Variants in GIP observed in about 807,000 individuals in gnomAD.
GIP encodes glucose-dependent insulinotropic polypeptide.
GIP carries 16 observed loss-of-function variants against 18.1 expected under a neutral mutation model. That is an observed-to-expected ratio of 0.88 (90% CI 0.60 to 1.34). The LOEUF is 1.34. Among genes scored for constraint, GIP ranks in the 40% most tolerant of loss-of-function variants. The pLI, the probability that GIP is intolerant of heterozygous loss-of-function variation, is 0.00. For missense variants in GIP, 192 were observed against 183.4 expected, an observed-to-expected ratio of 1.05 and a Z score of -0.27; for synonymous variants, 76 against 74.0, an observed-to-expected ratio of 1.03 and a Z score of -0.14.
Position 48,967,136 on chromosome 17 carries a change from A to C in GIP, c.86+11T>G, listed in dbSNP as rs777596459. On this transcript the variant is annotated intron_variant, in intron 2 of 5. Coordinates refer to ENST00000357424, the MANE Select transcript of GIP (RefSeq NM_004123.3). ...TCCTCTGCCCCATCCCTTTCCTCTC[A>C]CCACTCCTACCTGAAGTGACCCTCT... 6.3e-7 allele frequency: 1 copy of C among 1,594,884 alleles called. No homozygotes were observed. Among genetic ancestry groups the C allele is most frequent in the South Asian group, 1.1e-5 (1 of 90,640 alleles).
chr17:48,963,598 T>C (rs1215204186), intron 3 of GIP, among the ~76,000 whole-genome samples: 2 of 151,380 alleles, frequency 1.3e-5, no homozygotes, highest in Non-Finnish European at 2.9e-5. Flanking sequence ...AGGTGGAAGT[T>C]GCAGTGAGCC....
At chr17:48,964,017 G>A (rs371270090) in intron 3 of GIP, among the ~76,000 whole-genome samples, 6 of 149,488 alleles carry the variant, frequency 4.0e-5, no homozygotes, top group African/African-American at 1.2e-4. Flanking sequence ...AAAATTAGCC[G>A]GGCATGGTGG....
chr17:48,961,201 A>G (rs1375114681), intron 4 of GIP, among the ~76,000 whole-genome samples: 1 of 152,112 alleles, frequency 6.6e-6, no homozygotes, highest in Non-Finnish European at 1.5e-5. Flanking sequence ...CTCTTCATAC[A>G]GGGAGAGTCA....
At position 48,960,966 on chromosome 17, in the gene GIP, G is replaced by T. The variant is rs141476916; in HGVS notation, c.372C>A (p.Ser124Arg). ...GCAAGTCCCGCAGCAAATCTTCATC[G>T]CTGGGGTTCTTGGCTGGGGAGCTGC... ...EPQSSPAKNP[S>R]DEDLLRDLLI... Residue 124 changes from serine (S) to arginine (R), a missense_variant, in exon 5 of 6, where the codon AGC becomes AGA. Ser to Arg is a moderately radical substitution (Grantham distance 110). Coordinates refer to ENST00000357424, the MANE Select transcript of GIP (RefSeq NM_004123.3). 2.5e-6 allele frequency: 4 copies of T among 1,608,696 alleles called. No individual in the cohort carries two copies. Among genetic ancestry groups the T allele is most frequent in the East Asian group, 4.5e-5 (2 of 44,836 alleles).
At chr17:48,961,072 G>C (rs75421129) in intron 4 of GIP, 85 bp from the exon 5 acceptor site, 68,735 of 815,634 alleles carry the variant, frequency 0.084, 3,400 homozygotes, top group Non-Finnish European at 0.11. Context: ...CACCACTGAG[G>C]GGCAGCCGCG....
chr17:48,963,862 A>AAAAAAGAG lies in GIP; in HGVS notation c.257+447_257+448insCTCTTTTT, dbSNP rs1168878456. ...GTCTCAAAAAAAAAAAAAAAAAAAA[A>AAAAAAGAG]AGAGAGAGAGAGGCGGGGTATGGTG... On this transcript the variant is annotated intron_variant, in intron 3 of 5. Coordinates refer to ENST00000357424, the MANE Select transcript of GIP (RefSeq NM_004123.3). 3.7e-5 allele frequency among the ~76,000 whole-genome samples: 5 copies of AAAAAAGAG among 136,804 alleles called. No homozygotes were observed. In the East Asian group the frequency reaches 6.3e-4, roughly 17 times the overall value. The allele number at this position is 136,804 out of a possible 152,430, so 89.7% of individuals were successfully genotyped here.
Position 48,958,697 on chromosome 17 carries a change from G to A in GIP, c.*10C>T, listed in dbSNP as rs2041182191. The stretch of plus-strand genomic sequence containing the variant: ...GGCAGAATCCAGTCCTGAGCTGGGT[G>A]TGGTCAGAGTCACCGAGACCTGGGG... On this transcript the variant is annotated 3_prime_UTR_variant, in exon 6 of 6. Transcript: ENST00000357424. 5 of 1,581,520 alleles carry A rather than the reference G, an allele frequency of 3.2e-6. No homozygotes were observed. Among genetic ancestry groups the A allele is most frequent in the Admixed American group, 1.8e-5 (1 of 55,424 alleles).
intron 4 of GIP, 37 bp downstream of exon 4, chr17:48,961,690 G>C: frequency 7.4e-7 from 1 of 1,351,554 alleles, no homozygotes; most frequent in Admixed American, 1.7e-5. Flanking sequence ...GGGGCAGGAG[G>C]CTTGGCTCCC....
intron 2 of GIP, among the ~76,000 whole-genome samples, chr17:48,965,890 T>C (rs566533168): frequency 5.9e-5 from 9 of 152,294 alleles, no homozygotes; most frequent in African/African-American, 2.2e-4. Context: ...ATTGTCTTAT[T>C]ATCTGCCACT....
At chr17:48,965,174 G>A (rs1433269451) in intron 2 of GIP, among the ~76,000 whole-genome samples, 1 of 140,638 alleles carries the variant, frequency 7.1e-6, no homozygotes, top group African/African-American at 2.8e-5. Flanking sequence ...GGTGGCACAT[G>A]CCTGTAATCC....
intron 2 of GIP, among the ~76,000 whole-genome samples, chr17:48,964,867 T>C (rs576009955): frequency 1.4e-4 from 22 of 151,978 alleles, no homozygotes; most frequent in African/African-American, 3.1e-4. Flanking sequence ...TGGCAGGGCG[T>C]GGTGGCTTAC....
In GIP at chr17:48,964,321, C is replaced by T. The variant is rs139574667; in HGVS notation, c.246G>A (p.Gly82=). 1.2e-6 allele frequency: 2 copies of T among 1,613,466 alleles called. No homozygotes were observed. The highest frequency in any genetic ancestry group is 2.2e-5 in the South Asian group (2 of 91,054). The change falls in exon 3 of 6, where the codon GGG becomes GGA. Residue 82 remains glycine (G), a synonymous_variant. Coordinates refer to ENST00000357424, the MANE Select transcript of GIP (RefSeq NM_004123.3). ...AAGCAGCGACTCACTCATTCTTCTT[C>T]CCCTTTTGGGCCAGCAGCCAGTTCA... The part of the protein sequence containing the change: ...DFVNWLLAQK[G]KKNDWKHNIT...
intron 3 of GIP, among the ~76,000 whole-genome samples, chr17:48,963,477 G>A (rs1436550226): frequency 1.3e-5 from 2 of 149,972 alleles, no homozygotes; most frequent in African/African-American, 2.5e-5. Context: ...TCAACATGGT[G>A]AAACCCTGTC....
chr17:48,964,114 C>G (rs1402760761), intron 3 of GIP, among the ~76,000 whole-genome samples, 196 bp downstream of exon 3: 1 of 143,328 alleles, frequency 7.0e-6, no homozygotes, highest in Non-Finnish European at 1.5e-5. Flanking sequence ...GAGCCGAGAT[C>G]GCGCCACTGC....
intron 5 of GIP, 28 bp from the exon 6 acceptor site, chr17:48,958,744 GGTT>G (rs1399917755): frequency 6.4e-7 from 1 of 1,568,866 alleles, no homozygotes; most frequent in African/African-American, 1.4e-5. Flanking sequence ...AGGAGAAGAA[GGTT>G]GTTATGGACT....
In GIP at chr17:48,964,386, A is replaced by G. The variant is rs551204127; in HGVS notation, c.181T>C (p.Tyr61His). Residue 61 changes from tyrosine (Y) to histidine (H), a missense_variant, in exon 3 of 6, where the codon TAC becomes CAC. Tyr to His is a moderately conservative substitution (Grantham distance 83). Coordinates refer to ENST00000357424, the MANE Select transcript of GIP (RefSeq NM_004123.3). ...RYAEGTFISDYSIAMDKIHQQ... is the reference protein window; with the variant it reads ...RYAEGTFISDHSIAMDKIHQQ... The stretch of plus-strand genomic sequence containing the variant: ...TGAATCTTGTCCATGGCAATACTGT[A>G]GTCACTGATGAAAGTCCCTTCCGCG... 10 of 1,613,710 alleles carry G rather than the reference A, an allele frequency of 6.2e-6. No homozygotes were observed. The East Asian group carries it at 2.0e-4, about 32-fold the overall frequency.
intron 2 of GIP, 38 bp from the exon 3 acceptor site, chr17:48,964,518 G>T (rs762170554): frequency 1.3e-6 from 2 of 1,570,054 alleles, no homozygotes; most frequent in Non-Finnish European, 1.7e-6. Context: ...AGAGATGGGG[G>T]GAGAATCACA....
intron 1 of GIP, among the ~76,000 whole-genome samples, chr17:48,967,556 C>T (rs2041241931): frequency 6.6e-6 from 1 of 151,484 alleles, no homozygotes; most frequent in Non-Finnish European, 1.5e-5. Flanking sequence ...GACAGGGTTT[C>T]ACCATATTGG....
intron 4 of GIP, 78 bp from the exon 5 acceptor site, chr17:48,961,065 C>G: frequency 1.1e-6 from 1 of 891,858 alleles, no homozygotes; most frequent in Non-Finnish European, 1.7e-6. Context: ...TTGGGGACAC[C>G]ACTGAGGGGC....
Sources: allele counts gnomAD v4.1 joint callset (sites outside exome capture counted in the v4.1 genomes callset), GRCh38; gene constraint gnomAD v4.1.1; transcripts MANE v1.5; gene names NCBI Gene and HGNC (gene_info 2026-07-23, HGNC 2026-07-21).